The following PSMD11 variants were observed in gnomAD, a reference collection of about 807,000 sequenced individuals.
The protein encoded by PSMD11 is 26S proteasome non-ATPase regulatory subunit 11.
Under a neutral mutation model 62.3 loss-of-function variants are expected in PSMD11, and 5 were observed. That is an observed-to-expected ratio of 0.08 (90% CI 0.04 to 0.17). The LOEUF is 0.17. Ranked by LOEUF, PSMD11 falls within the 10% of genes least tolerant of loss-of-function variation. PSMD11 has a pLI of 1.00. For synonymous variants in PSMD11, 191 were observed against 191.8 expected (o/e 1.00, Z 0.03); for missense variants, 310 against 512.9 (o/e 0.60, Z 3.82).
intron 6 of PSMD11, among the ~76,000 whole-genome samples, chr17:32,471,815 A>G (rs986632712): frequency 6.6e-6 from 1 of 151,552 alleles, no homozygotes; most frequent in Non-Finnish European, 1.5e-5. Flanking sequence ...GAGGTCAGAG[A>G]CTTGGATTCT....
chr17:32,446,439 CTA>C (rs1194553043), intron 1 of PSMD11, among the ~76,000 whole-genome samples: 4 of 152,172 alleles, frequency 2.6e-5, no homozygotes, highest in African/African-American at 9.7e-5. Flanking sequence ...CTGCTTATCC[CTA>C]ACACACCCAT....
chr17:32,448,161 GAGC>G (rs200932067), intron 2 of PSMD11, among the ~76,000 whole-genome samples: 1,969 of 152,084 alleles, frequency 0.013, 21 homozygotes, highest in Non-Finnish European at 0.017. Flanking sequence ...TTCCAGGTGT[GAGC>G]CATTGTGCCC....
intron 3 of PSMD11, among the ~76,000 whole-genome samples, chr17:32,459,306 C>G (rs1434781475): frequency 6.6e-6 from 1 of 151,932 alleles, no homozygotes; most frequent in Non-Finnish European, 1.5e-5. Flanking sequence ...GCAGCCTCAA[C>G]TTCCTGGGCT....
chr17:32,465,707 C>T (rs183991072), intron 5 of PSMD11, among the ~76,000 whole-genome samples: 1 of 152,262 alleles, frequency 6.6e-6, no homozygotes, highest in Admixed American at 6.5e-5. Flanking sequence ...GGCGTGGTGG[C>T]TCATGCCTGT....
chr17:32,465,254 G>C (rs961806336), intron 5 of PSMD11, among the ~76,000 whole-genome samples: 1 of 152,120 alleles, frequency 6.6e-6, no homozygotes. Flanking sequence ...CTGAGTAGCT[G>C]GGACTGCAGG....
intron 8 of PSMD11, 160 bp from the exon 9 acceptor site, chr17:32,477,361 A>C (rs555398247): frequency 1.9e-6 from 1 of 517,054 alleles, no homozygotes; most frequent in South Asian, 3.5e-5. Flanking sequence ...GGTATTCAGT[A>C]CTTGCGGCTC....
chr17:32,478,520 A>G (rs927415305), intron 9 of PSMD11, among the ~76,000 whole-genome samples: 1 of 152,190 alleles, frequency 6.6e-6, no homozygotes, highest in African/African-American at 2.4e-5. Flanking sequence ...CTTTTATTCC[A>G]AATAGTTCCT....
intron 6 of PSMD11, among the ~76,000 whole-genome samples, chr17:32,470,015 T>C (rs537287661): frequency 6.2e-4 from 94 of 152,090 alleles, no homozygotes; most frequent in African/African-American, 1.4e-3. Flanking sequence ...GTTTTGTTTT[T>C]ACTTTTTTTT....
intron 5 of PSMD11, among the ~76,000 whole-genome samples, chr17:32,466,807 C>T (rs905202714): frequency 6.6e-6 from 1 of 152,116 alleles, no homozygotes; most frequent in Non-Finnish European, 1.5e-5. Context: ...CTTACCAACA[C>T]TTGTTATTTT....
intron 5 of PSMD11, among the ~76,000 whole-genome samples, chr17:32,467,692 G>A (rs1289264128): frequency 6.6e-6 from 1 of 152,150 alleles, no homozygotes; most frequent in Non-Finnish European, 1.5e-5. Context: ...GCTCACTGCA[G>A]CCTGGAAATC....
intron 3 of PSMD11, 50 bp from the exon 4 acceptor site, chr17:32,463,999 G>A: frequency 6.5e-7 from 1 of 1,528,552 alleles, no homozygotes; most frequent in Non-Finnish European, 9.1e-7. Context: ...ATGGTTTGTG[G>A]GAAGAATTTG....
chr17:32,460,814 A>G (rs887090206), intron 3 of PSMD11, among the ~76,000 whole-genome samples: 3 of 151,880 alleles, frequency 2.0e-5, no homozygotes, highest in African/African-American at 7.3e-5. Context: ...CTATTCCCAA[A>G]GTTGGTATGA....
intron 3 of PSMD11, among the ~76,000 whole-genome samples, chr17:32,462,742 A>T (rs1048693328): frequency 6.6e-6 from 1 of 151,996 alleles, no homozygotes; most frequent in Non-Finnish European, 1.5e-5. Flanking sequence ...GCTGGAGTGC[A>T]ATGGTGCGAT....
chr17:32,466,345 C>T (rs1907992683), intron 5 of PSMD11, among the ~76,000 whole-genome samples: 2 of 152,052 alleles, frequency 1.3e-5, no homozygotes, highest in South Asian at 4.1e-4. Context: ...TCATTAGCAG[C>T]CCTGGGCGAT....
intron 6 of PSMD11, 49 bp downstream of exon 6, chr17:32,469,242 A>G: frequency 6.4e-7 from 1 of 1,557,302 alleles, no homozygotes; most frequent in Non-Finnish European, 8.7e-7. Flanking sequence ...AGCTCATCTT[A>G]TTTTATAGGT....
chr17:32,480,411 C>T, intron 12 of PSMD11, 78 bp from the exon 13 acceptor site: 1 of 1,555,652 alleles, frequency 6.4e-7, no homozygotes. Context: ...AGTGAGTCAA[C>T]TAGGGAGTGG....
At chr17:32,464,640 C>T in intron 5 of PSMD11, 62 bp downstream of exon 5, 10 of 1,262,378 alleles carry the variant, frequency 7.9e-6, no homozygotes, top group Non-Finnish European at 1.1e-5. Flanking sequence ...AACCACCTGG[C>T]TACTCTTACT....
intron 5 of PSMD11, among the ~76,000 whole-genome samples, chr17:32,464,860 A>G (rs1054036675): frequency 6.6e-6 from 1 of 152,228 alleles, no homozygotes; most frequent in Non-Finnish European, 1.5e-5. Flanking sequence ...TGAAATTTAA[A>G]AAAAGTGTAT....
At chr17:32,472,968 G>A (rs1277586581) in intron 6 of PSMD11, among the ~76,000 whole-genome samples, 1 of 150,870 alleles carries the variant, frequency 6.6e-6, no homozygotes, top group Non-Finnish European at 1.5e-5. Context: ...CTAGCCTGGC[G>A]AACATACGGT....
Sources: gnomAD v4.1 joint callset for allele counts (sites outside exome capture counted in the v4.1 genomes callset) on GRCh38, gnomAD v4.1.1 for gene constraint, MANE v1.5 for transcripts, NCBI Gene and HGNC (gene_info 2026-07-23, HGNC 2026-07-21) for gene names.